Variants in CABIN1 observed in about 807,000 individuals in gnomAD.
The protein encoded by CABIN1 is calcineurin binding protein 1, also known as calcineurin-binding protein cabin-1.
CABIN1 carries 133 observed loss-of-function variants against 227.7 expected under a neutral mutation model. That is an observed-to-expected ratio of 0.58 (90% CI 0.51 to 0.67). The LOEUF is 0.67. Among genes scored for constraint, CABIN1 ranks in the 30% least tolerant of loss-of-function variants. The pLI is 0.00. For synonymous variants in CABIN1, 1,086 were observed against 1,155.1 expected (o/e 0.94, Z 1.21); for missense variants, 2,408 against 2,852.5 (o/e 0.84, Z 3.55).
chr22:24,162,367 G>A (rs2046207248), intron 29 of CABIN1, among the ~76,000 whole-genome samples: 1 of 152,200 alleles, frequency 6.6e-6, no homozygotes, highest in African/African-American at 2.4e-5. Flanking sequence ...GGCCGAGCAG[G>A]CAAGGGGGCC....
At chr22:24,099,456 T>C (rs1210419449) in intron 26 of CABIN1, among the ~76,000 whole-genome samples, 1 of 152,150 alleles carries the variant, frequency 6.6e-6, no homozygotes, top group Admixed American at 6.6e-5. Flanking sequence ...GGAAGGTTCA[T>C]GTCATTACTC....
At chr22:24,020,139 T>A (rs2035616012) in intron 1 of CABIN1, among the ~76,000 whole-genome samples, 1 of 152,210 alleles carries the variant, frequency 6.6e-6, no homozygotes, top group South Asian at 2.1e-4. Context: ...GCTTTAGGAC[T>A]AAGGTGTATT....
Position 24,036,132 on chromosome 22 carries a change from A to T in CABIN1, c.47A>T (p.Asp16Val), listed in dbSNP as rs1299022539. 6 of 1,613,644 alleles carry T rather than the reference A, an allele frequency of 3.7e-6. No homozygotes were observed. Among genetic ancestry groups the T allele is most frequent in the South Asian group, 1.1e-5 (1 of 91,076 alleles). The change falls in exon 3 of 37, where the codon GAT (aspartate) becomes GTT (valine). Residue 16 changes from aspartate (D) to valine (V), a missense_variant. Around this residue, in one of 3 missense-constraint regions of CABIN1, gnomAD observed 1,045 missense variants for 1,168.4 expected, o/e 0.89. Transcript: ENST00000263119. ...ALNASSTIEDDHEGSFKSHKT... is the reference protein window; with the variant it reads ...ALNASSTIEDVHEGSFKSHKT... ...AATGCCAGCTCCACCATTGAGGATG[A>T]TCATGAAGGAAGCTTTAAAAGTCAC...
chr22:24,093,851 G>A (rs1013538031), intron 24 of CABIN1, among the ~76,000 whole-genome samples: 1 of 152,116 alleles, frequency 6.6e-6, no homozygotes, highest in Non-Finnish European at 1.5e-5. Flanking sequence ...TGCACTCACA[G>A]CCTGGGAGAC....
intron 29 of CABIN1, among the ~76,000 whole-genome samples, chr22:24,150,891 G>A (rs527622097): frequency 1.3e-5 from 2 of 152,330 alleles, no homozygotes; most frequent in East Asian, 3.9e-4. Flanking sequence ...GGGGTGGGAG[G>A]CCTTGGTGCC....
chr22:24,093,317 G>A (rs865923380), intron 24 of CABIN1, among the ~76,000 whole-genome samples: 4 of 151,344 alleles, frequency 2.6e-5, no homozygotes, highest in South Asian at 2.1e-4. Context: ...TTGGGAGGCC[G>A]AGGTGGGTGG....
chr22:24,176,544 G>A (rs1352128494), intron 35 of CABIN1, among the ~76,000 whole-genome samples: 2 of 152,172 alleles, frequency 1.3e-5, no homozygotes, highest in African/African-American at 4.8e-5. Flanking sequence ...TCACGGAGGG[G>A]TACTAGCGAG....
chr22:24,116,232 T>G (rs149282433), intron 27 of CABIN1, among the ~76,000 whole-genome samples: 12 of 152,332 alleles, frequency 7.9e-5, no homozygotes, highest in African/African-American at 2.6e-4. Context: ...AGTAGAGATT[T>G]ATTTATTTGA....
At position 24,082,208 on chromosome 22, in the gene CABIN1, G is replaced by A. The variant is rs967585332; in HGVS notation, c.2749-1020G>A. Among the ~76,000 whole-genome samples the A allele has an allele frequency of 3.3e-5, 5 of 150,276 alleles. No homozygotes were observed. The East Asian group carries it at 9.9e-4, about 30-fold the overall frequency. ...GGGCTCGAGCAGTCTTCCTGCCTTA[G>A]CCTCCCACGTAGCTGGGACTACAGG... is the stretch of plus-strand genomic sequence containing the variant. On this transcript the variant is annotated intron_variant, in intron 19 of 36. Coordinates refer to ENST00000263119, the MANE Select transcript of CABIN1 (RefSeq NM_012295.4).
At chr22:24,103,126 C>A (rs1165675066) in intron 26 of CABIN1, 1 of 152,376 alleles carries the variant, frequency 6.6e-6, no homozygotes, top group East Asian at 1.9e-4. Context: ...TCCCTGCTAC[C>A]CCTGTGACCA....
chr22:24,133,434 G>A (rs1348885852), intron 28 of CABIN1, among the ~76,000 whole-genome samples: 2 of 152,218 alleles, frequency 1.3e-5, no homozygotes, highest in Non-Finnish European at 2.9e-5. Context: ...CGGAGCAGCT[G>A]GAGTGCAAGG....
At position 24,063,022 on chromosome 22, in the gene CABIN1, C is replaced by T. The variant is rs1250139024; in HGVS notation, c.1760C>T (p.Thr587Ile). Residue 587 changes from threonine to isoleucine, a missense_variant, in exon 14 of 37, where the codon ACC becomes ATC. Physicochemically the swap from Thr to Ile is moderately conservative, Grantham distance 89. Transcript: ENST00000263119. ...NGRFGPDFPG[T>I]HCLGDLLQLS... is the part of the protein sequence containing the mutation. ...AGATTTGGACCTGACTTCCCAGGGA[C>T]CCACTGCCTGGGTGACCTCCTACAG... The T allele has an allele frequency of 5.0e-6, 8 of 1,614,184 alleles. No individual in the cohort carries two copies. The highest frequency in any genetic ancestry group is 6.8e-6 in the Non-Finnish European group (8 of 1,180,016).
intron 1 of CABIN1, among the ~76,000 whole-genome samples, chr22:24,015,079 C>T (rs889193893): frequency 6.6e-6 from 1 of 151,832 alleles, no homozygotes; most frequent in Non-Finnish European, 1.5e-5. Context: ...GCCTGGCCAA[C>T]ATGGTGAAAC....
chr22:24,027,187 A>G (rs2036155748), intron 1 of CABIN1, among the ~76,000 whole-genome samples: 1 of 152,200 alleles, frequency 6.6e-6, no homozygotes, highest in Non-Finnish European at 1.5e-5. Context: ...TATTGCTAGT[A>G]TGCCGAAATA....
At chr22:24,160,209 C>G (rs2148613786) in intron 29 of CABIN1, 1 of 152,238 alleles carries the variant, frequency 6.6e-6, no homozygotes, top group Middle Eastern at 3.4e-3. Context: ...TCTCTATGTC[C>G]CTACTCAGCC....
intron 5 of CABIN1, 26 bp from the exon 6 acceptor site, chr22:24,042,878 T>TGTGTGTGTGTG (rs1569112630): frequency 3.0e-5 from 29 of 952,280 alleles, no homozygotes; most frequent in East Asian, 1.2e-4. Flanking sequence ...GTGTGTGTGT[T>TGTGTGTGTGTG]TGCCCTCTGC....
At position 24,177,356 on chromosome 22, in the gene CABIN1, C is replaced by A; in HGVS notation, c.6206-148C>A. 1 of 696,486 alleles carries A rather than the reference C, an allele frequency of 1.4e-6. No homozygotes were observed. The highest frequency in any genetic ancestry group is 2.3e-6 in the Non-Finnish European group (1 of 430,298). The allele number at this position is 696,486 out of a possible 1,614,324, so 43.1% of individuals were successfully genotyped here. On this transcript the variant is annotated intron_variant, in intron 35 of 36. Transcript: ENST00000263119. This position sits in a 1 kb window ranked among gnomAD's most constrained non-coding sequence, Gnocchi z 4.4. ...CCTGCAGGCCTGAGCCAAGTATTTG[C>A]CCAGGGTAGAAGCCTTGGAGCCTGC...
chr22:24,147,099 G>T (rs895873472), intron 29 of CABIN1, among the ~76,000 whole-genome samples: 5 of 152,182 alleles, frequency 3.3e-5, no homozygotes, highest in African/African-American at 9.7e-5. Flanking sequence ...GCCCCCAGCT[G>T]CCCTGGGTAT....
chr22:24,042,555 TG>T (rs1191297975), intron 5 of CABIN1, among the ~76,000 whole-genome samples: 2 of 152,216 alleles, frequency 1.3e-5, no homozygotes, highest in African/African-American at 4.8e-5. Flanking sequence ...CACTCTTGCC[TG>T]GGCAGTAGAG....
Sources: allele counts gnomAD v4.1 joint callset (sites outside exome capture counted in the v4.1 genomes callset), GRCh38; gene constraint gnomAD v4.1.1; regional missense constraint gnomAD v4.1.1; non-coding constraint Gnocchi (gnomAD v3.1); transcripts MANE v1.5; gene names NCBI Gene and HGNC (gene_info 2026-07-23, HGNC 2026-07-21).